The following ANXA11 variants were observed in gnomAD, a reference collection of about 807,000 sequenced individuals.
ANXA11 encodes the protein 56 kDa autoantigen.
A neutral mutation model predicts 64.7 loss-of-function variants in ANXA11; 57 were observed. The ratio of observed to expected loss-of-function variants is 0.88; its 90% CI spans 0.71 to 1.10. The LOEUF is 1.10. Among genes scored for constraint, ANXA11 ranks in the 50% least tolerant of loss-of-function variants. The probability of loss-of-function intolerance (pLI) is 0.00; values close to 1 mark genes in which losing one functional copy is unlikely to be tolerated. For missense variants in ANXA11, 675 were observed against 670.7 expected (o/e 1.01, Z -0.07); for synonymous variants, 260 against 265.2 (o/e 0.98, Z 0.19).
At position 80,154,979 on chromosome 10, in the gene ANXA11, C is replaced by T. The variant is rs35176036; in HGVS notation, c.*874G>A. On this transcript the variant is annotated 3_prime_UTR_variant, in exon 16 of 16. Coordinates refer to ENST00000422982, the MANE Select transcript of ANXA11 (RefSeq NM_145868.2). The stretch of plus-strand genomic sequence containing the variant: ...GGGAACCTCCCTTCCCATGTCCTTA[C>T]GAGTCCCTGCAAACTAGTGTATGCT... 3,838 of 152,362 alleles carry T rather than the reference C, an allele frequency of 0.025. 54 individuals carry two copies. Among genetic ancestry groups the T allele is most frequent in the Non-Finnish European group, 0.039 (2,656 of 68,038 alleles). 9.4% of individuals were successfully genotyped at this position (152,362 alleles called of 1,614,324 possible).
chr10:80,174,460 A>T (rs1846094737), intron 2 of ANXA11, among the ~76,000 whole-genome samples: 1 of 152,084 alleles, frequency 6.6e-6, no homozygotes, highest in Non-Finnish European at 1.5e-5. Context: ...TATTTTTAGC[A>T]GAGACAGGGT....
At chr10:80,157,358 G>A (rs745498338) in intron 15 of ANXA11, 7 of 985,316 alleles carry the variant, frequency 7.1e-6, no homozygotes, top group Non-Finnish European at 8.4e-6. Flanking sequence ...GGAATCACAC[G>A]GTGATCGGAA....
intron 1 of ANXA11, among the ~76,000 whole-genome samples, chr10:80,178,783 A>G (rs967104748): frequency 2.0e-5 from 3 of 152,222 alleles, no homozygotes; most frequent in Non-Finnish European, 2.9e-5. Flanking sequence ...TTCATCATGC[A>G]TGATAATCAC....
At chr10:80,166,485 AT>A (rs1845746843) in intron 7 of ANXA11, 1 of 442,426 alleles carries the variant, frequency 2.3e-6, no homozygotes, top group Non-Finnish European at 4.1e-6. Flanking sequence ...TCTTTCTAAG[AT>A]TCAAAACCCC....
intron 1 of ANXA11, 75 bp from the exon 2 acceptor site, chr10:80,176,230 G>A (rs1199199566): frequency 6.6e-6 from 1 of 152,124 alleles, no homozygotes; most frequent in African/African-American, 2.4e-5. Context: ...CCACCAATGA[G>A]GCTGGTTAAA....
chr10:80,178,360 A>G (rs1846245166), intron 1 of ANXA11, among the ~76,000 whole-genome samples: 1 of 152,138 alleles, frequency 6.6e-6, no homozygotes, highest in Admixed American at 6.5e-5. Flanking sequence ...CCCCCGCTCT[A>G]CGCCTGCTTC....
intron 1 of ANXA11, among the ~76,000 whole-genome samples, chr10:80,186,057 G>C (rs895800515): frequency 6.6e-6 from 1 of 152,146 alleles, no homozygotes; most frequent in African/African-American, 2.4e-5. Flanking sequence ...AGACTACCCA[G>C]GTTCACATCC....
intron 7 of ANXA11, chr10:80,166,429 G>A: frequency 1.9e-6 from 1 of 521,684 alleles, no homozygotes; most frequent in Non-Finnish European, 3.4e-6. Flanking sequence ...AGTTTGAGAA[G>A]CACTGGGCTA....
chr10:80,162,356 A>C lies in ANXA11; in HGVS notation c.1087-328T>G, dbSNP rs141429008. On this transcript the variant is annotated intron_variant, in intron 11 of 15. Coordinates refer to ENST00000422982, the MANE Select transcript of ANXA11 (RefSeq NM_145868.2). ...CGCTGGAGCAAAAGCCAGAGCCCTGAGCCCCAGGCGTGTCCAGCCCTGACT... is the reference window on the plus strand; with the variant it reads ...CGCTGGAGCAAAAGCCAGAGCCCTGCGCCCCAGGCGTGTCCAGCCCTGACT... 3.9e-5 allele frequency among the ~76,000 whole-genome samples: 6 copies of C among 152,356 alleles called. No homozygotes were observed. The East Asian group carries it at 1.2e-3, about 29-fold the overall frequency.
chr10:80,157,158 G>A (rs948664496), intron 15 of ANXA11: 8 of 970,938 alleles, frequency 8.2e-6, no homozygotes, highest in Non-Finnish European at 9.8e-6. Flanking sequence ...ATTTAAGGGA[G>A]CCATTCAAGG....
At chr10:80,179,696 C>T (rs2789691) in intron 1 of ANXA11, among the ~76,000 whole-genome samples, 9,581 of 152,264 alleles carry the variant, frequency 0.063, 310 homozygotes, top group Middle Eastern at 0.099. Context: ...ATTCCATGGC[C>T]ATACAGGAGA....
At position 80,153,954 on chromosome 10, in the gene ANXA11, T is replaced by C. The variant is rs1210026045; in HGVS notation, c.*1899A>G. The C allele has an allele frequency of 6.6e-6, 1 of 152,272 alleles. No individual in the cohort carries two copies. The highest frequency in any genetic ancestry group is 1.5e-5 in the Non-Finnish European group (1 of 68,100). The allele number at this position is 152,272 out of a possible 1,614,324, so 9.4% of individuals were successfully genotyped here. On this transcript the variant is annotated 3_prime_UTR_variant, in exon 16 of 16. Transcript: ENST00000422982. ...CCATTTCTTTTTGTTTTTTTCTCAT[T>C]TGAGACAAGGTCTCGCTCTGTTGTC...
intron 1 of ANXA11, among the ~76,000 whole-genome samples, chr10:80,184,196 T>G (rs1846453810): frequency 6.6e-6 from 1 of 152,244 alleles, no homozygotes; most frequent in African/African-American, 2.4e-5. Flanking sequence ...TTATTTCATC[T>G]GTAACTGTTC....
intron 13 of ANXA11, 134 bp downstream of exon 13, chr10:80,158,966 C>G: frequency 2.9e-6 from 2 of 693,546 alleles, no homozygotes; most frequent in Non-Finnish European, 5.1e-6. Flanking sequence ...CATCTGGACA[C>G]TCTGGGCTGA....
intron 12 of ANXA11, among the ~76,000 whole-genome samples, chr10:80,161,246 T>C (rs556105804): frequency 1.3e-5 from 2 of 152,274 alleles, no homozygotes; most frequent in African/African-American, 4.8e-5. Flanking sequence ...CCCCCTTCAC[T>C]GTTCTCAGTC....
Position 80,175,813 on chromosome 10 carries a change from T to C in ANXA11, c.-9+294A>G, listed in dbSNP as rs369272596. Among the ~76,000 whole-genome samples, 8 of 152,108 alleles carry C rather than the reference T, an allele frequency of 5.3e-5. No individual in the cohort carries two copies. The East Asian group carries it at 9.6e-4, about 18-fold the overall frequency. On this transcript the variant is annotated intron_variant, in intron 2 of 15. Transcript: ENST00000422982. ...GGCTCATGCCTGTAATCCCAGCACT[T>C]TGGGAGGCCGAGGTGGGCAGATCAC...
rs1455615741 is a variant in ANXA11, at chr10:80,161,985, G to C, written c.1130C>G (p.Ser377Cys). The stretch of plus-strand genomic sequence containing the variant: ...GGAGCACAGAACCGCATTGAACTTG[G>C]ACTCGTCTGTTCCCAGGCGGTTCTC... ...AGENRLGTDE[S>C]KFNAVLCSRS... is the part of the protein sequence containing the mutation. Residue 377 changes from serine to cysteine, a missense_variant, in exon 12 of 16, where the codon TCC (serine) becomes TGC (cysteine). Transcript: ENST00000422982. 1.2e-6 allele frequency: 2 copies of C among 1,612,586 alleles called. No homozygotes were observed. The highest frequency in any genetic ancestry group is 1.7e-5 in the Admixed American group (1 of 60,008).
intron 1 of ANXA11, among the ~76,000 whole-genome samples, chr10:80,190,472 A>C (rs1008498922): frequency 8.7e-5 from 13 of 149,792 alleles, no homozygotes; most frequent in Non-Finnish European, 1.9e-4. Context: ...TATAAATGTT[A>C]ATTTACAATA....
At chr10:80,197,262 C>T (rs1319482551) in intron 1 of ANXA11, among the ~76,000 whole-genome samples, 1 of 152,210 alleles carries the variant, frequency 6.6e-6, no homozygotes, top group Non-Finnish European at 1.5e-5. Context: ...TCCATCACAC[C>T]TTCTCAGGCT....
Sources: gnomAD v4.1 joint callset for allele counts (sites outside exome capture counted in the v4.1 genomes callset) on GRCh38, gnomAD v4.1.1 for gene constraint, MANE v1.5 for transcripts, NCBI Gene and HGNC (gene_info 2026-07-23, HGNC 2026-07-21) for gene names.